The following COL9A2 variants were observed in gnomAD, a reference collection of about 807,000 sequenced individuals.
The protein encoded by COL9A2 is collagen type IX alpha 2 chain, also known as collagen alpha-2(IX) chain.
COL9A2 carries 66 observed loss-of-function variants against 111.6 expected under a neutral mutation model. The ratio of observed to expected loss-of-function variants is 0.59; its 90% CI spans 0.48 to 0.73. COL9A2 has a LOEUF of 0.73. Ranked by LOEUF, COL9A2 falls within the 30% of genes least tolerant of loss-of-function variation. The pLI is 0.00. For missense variants in COL9A2, 881 were observed against 954.1 expected (o/e 0.92, Z 1.01); for synonymous variants, 353 against 364.1 (o/e 0.97, Z 0.35).
rs2124041760 is a variant in COL9A2 at position 40,302,834 on chromosome 1, A to AGGGG, written c.1604-26_1604-25insCCCC. Reference sequence around the variant, plus strand: ...TCTGGAGGGAGGGAGGGAGGGAGGGAGAGGGAAGTCTATGAGATGGGTGTC... The same window carrying AGGGG: ...TCTGGAGGGAGGGAGGGAGGGAGGGAGGGGGAGGGAAGTCTATGAGATGGGTGTC... On this transcript the variant is annotated intron_variant, in intron 29 of 31. Transcript: ENST00000372748. The surrounding 1 kb of genome is among the most constrained non-coding windows in gnomAD (Gnocchi z 4.5). 1 of 1,523,204 alleles carries AGGGG rather than the reference A, an allele frequency of 6.6e-7. No homozygotes were observed. The highest frequency in any genetic ancestry group is 8.9e-7 in the Non-Finnish European group (1 of 1,129,696). The allele number at this position is 1,523,204 out of a possible 1,614,324, so 94.4% of individuals were successfully genotyped here.
chr1:40,309,864 G>A (rs1190685783), intron 16 of COL9A2, 74 bp downstream of exon 16: 2 of 1,466,654 alleles, frequency 1.4e-6, no homozygotes, highest in Non-Finnish European at 1.9e-6. Context: ...CACACACACA[G>A]CCTTAGGGGG....
In COL9A2 at chr1:40,317,178, G is replaced by C; in HGVS notation, c.20C>G (p.Ser7Cys). Residue 7 changes from serine to cysteine, a missense_variant, in exon 1 of 32, where the codon TCC becomes TGC. Ser to Cys is a moderately radical substitution (Grantham distance 112, BLOSUM62 -1). Transcript: ENST00000372748. The surrounding 1 kb of genome is among the most constrained non-coding windows in gnomAD (Gnocchi z 4.3). The part of the protein sequence containing the change: MAAATA[S>C]PRSLLVLLQV... ...GAGGAGAACAAGGAGGCTGCGGGGG[G>C]AGGCCGTAGCGGCGGCCATGGCTGG... 3 of 1,588,408 alleles carry C rather than the reference G, an allele frequency of 1.9e-6. No homozygotes were observed. The highest frequency in any genetic ancestry group is 2.6e-6 in the Non-Finnish European group (3 of 1,167,622).
At position 40,303,310 on chromosome 1, in the gene COL9A2, G is replaced by T; in HGVS notation, c.1549-125C>A. On this transcript the variant is annotated intron_variant, in intron 28 of 31. Transcript: ENST00000372748. The surrounding 1 kb of genome is among the most constrained non-coding windows in gnomAD (Gnocchi z 4.6). ...GTGTTGAGTCATTAATTCCCAAGCTGAGGAACAGATTGTACCTGGGCAGGG... is the reference window on the plus strand; with the variant it reads ...GTGTTGAGTCATTAATTCCCAAGCTTAGGAACAGATTGTACCTGGGCAGGG... 8.4e-7 allele frequency: 1 copy of T among 1,183,794 alleles called. No homozygotes were observed. The highest frequency in any genetic ancestry group is 1.2e-6 in the Non-Finnish European group (1 of 820,140). The allele number at this position is 1,183,794 out of a possible 1,614,324, so 73.3% of individuals were successfully genotyped here.
intron 2 of COL9A2, chr1:40,315,360 A>C: frequency 7.3e-7 from 1 of 1,371,854 alleles, no homozygotes; most frequent in Non-Finnish European, 9.4e-7. Flanking sequence ...GGCGGACTGA[A>C]CAGCAGCTCC....
In COL9A2 at chr1:40,311,334, G is replaced by A. The variant is rs769371372; in HGVS notation, c.520-48C>T. 1.8e-5 allele frequency: 28 copies of A among 1,599,394 alleles called. No individual in the cohort carries two copies. In the East Asian group the frequency reaches 2.9e-4, roughly 17 times the overall value. On this transcript the variant is annotated intron_variant, in intron 10 of 31. Transcript: ENST00000372748. This position sits in a 1 kb window ranked among gnomAD's most constrained non-coding sequence, Gnocchi z 5.1. Reference sequence around the variant, plus strand: ...GGTCCTGTGATCAGCTGGGCAGTGCGCCCCCATCTCTCCAAGCCCCGTGCT... The same window carrying A: ...GGTCCTGTGATCAGCTGGGCAGTGCACCCCCATCTCTCCAAGCCCCGTGCT...
At chr1:40,309,024 T>C (rs1406094681) in intron 16 of COL9A2, among the ~76,000 whole-genome samples, 3 of 152,156 alleles carry the variant, frequency 2.0e-5, no homozygotes, top group Admixed American at 6.5e-5. Context: ...GGCAGGTGGA[T>C]CACCTGAGGT....
chr1:40,312,136 C>G lies in COL9A2; in HGVS notation c.364-24G>C. On this transcript the variant is annotated intron_variant, in intron 7 of 31. Transcript: ENST00000372748. This position sits in a 1 kb window ranked among gnomAD's most constrained non-coding sequence, Gnocchi z 6.0. ...CCCTGGGGAGCAGAGAGTTGATGGT[C>G]AGGATGCCTCAGAGGGTCAGATACC... 2 of 1,589,058 alleles carry G rather than the reference C, an allele frequency of 1.3e-6. No individual in the cohort carries two copies. The highest frequency in any genetic ancestry group is 1.7e-6 in the Non-Finnish European group (2 of 1,167,514).
In COL9A2 at chr1:40,317,064, A is replaced by C; in HGVS notation, c.75+59T>G. 1 of 1,493,370 alleles carries C rather than the reference A, an allele frequency of 6.7e-7. No individual in the cohort carries two copies. Among genetic ancestry groups the C allele is most frequent in the Non-Finnish European group, 9.1e-7 (1 of 1,094,086 alleles). 92.5% of individuals were successfully genotyped at this position (1,493,370 alleles called of 1,614,324 possible). A position where few individuals can be genotyped will look rare whatever the true frequency, so the allele number is the denominator to read the frequency against. On this transcript the variant is annotated intron_variant, in intron 1 of 31. Transcript: ENST00000372748. The surrounding 1 kb of genome is among the most constrained non-coding windows in gnomAD (Gnocchi z 4.3). ...CGCGGGACACAGGCAGAGCTCCTCC[A>C]TCCCGGACTCCAGACCCCGCACCCT...
Position 40,317,102 on chromosome 1 carries a change from C to T in COL9A2, c.75+21G>A. Reference sequence around the variant, plus strand: ...GACCCCGCACCCTGGACCCTGGCAGCGGAGGGGCTGCGAAACTTACAATCT... The same window carrying T: ...GACCCCGCACCCTGGACCCTGGCAGTGGAGGGGCTGCGAAACTTACAATCT... On this transcript the variant is annotated intron_variant, in intron 1 of 31. Coordinates refer to ENST00000372748, the MANE Select transcript of COL9A2 (RefSeq NM_001852.4). The surrounding 1 kb of genome is among the most constrained non-coding windows in gnomAD (Gnocchi z 4.3). 2 of 1,556,632 alleles carry T rather than the reference C, an allele frequency of 1.3e-6. No homozygotes were observed. The highest frequency in any genetic ancestry group is 1.7e-6 in the Non-Finnish European group (2 of 1,149,976).
rs1340613358 is a variant in COL9A2 at position 40,301,882 on chromosome 1, A to C, written c.1800T>G (p.Arg600=). Residue 600 remains arginine, a synonymous_variant, in exon 31 of 32, where the codon CGT becomes CGG. Coordinates refer to ENST00000372748, the MANE Select transcript of COL9A2 (RefSeq NM_001852.4). Reference sequence around the variant, plus strand: ...CTTCTCCTGGATCACCCTTCTCTCCACGTTTTCCTGTAGACAAAAAAGGAA... The same window carrying C: ...CTTCTCCTGGATCACCCTTCTCTCCCCGTTTTCCTGTAGACAAAAAAGGAA... ...QIGNTGPKGK[R]GEKGDPGEVG... The C allele has an allele frequency of 6.2e-7, 1 of 1,613,934 alleles. No individual in the cohort carries two copies. The highest frequency in any genetic ancestry group is 1.3e-5 in the African/African-American group (1 of 75,046).
In COL9A2 at chr1:40,314,508, C is replaced by T. The variant is rs1192726923; in HGVS notation, c.151-121G>A. 2 of 1,206,356 alleles carry T rather than the reference C, an allele frequency of 1.7e-6. No individual in the cohort carries two copies. The highest frequency in any genetic ancestry group is 3.0e-5 in the African/African-American group (2 of 66,322). 74.7% of individuals were successfully genotyped at this position (1,206,356 alleles called of 1,614,324 possible). On this transcript the variant is annotated intron_variant, in intron 2 of 31. Coordinates refer to ENST00000372748, the MANE Select transcript of COL9A2 (RefSeq NM_001852.4). This position sits in a 1 kb window ranked among gnomAD's most constrained non-coding sequence, Gnocchi z 4.1. ...TCACTCTCCTCTCTTCTGTCCAGGT[C>T]CCCTAAGCCTTGCAATCTTTGGGAA...
chr1:40,303,990 G>A lies in COL9A2; in HGVS notation c.1324-18C>T. 1 of 1,568,164 alleles carries A rather than the reference G, an allele frequency of 6.4e-7. No individual in the cohort carries two copies. The highest frequency in any genetic ancestry group is 8.6e-7 in the Non-Finnish European group (1 of 1,156,166). On this transcript the variant is annotated intron_variant, in intron 25 of 31. Coordinates refer to ENST00000372748, the MANE Select transcript of COL9A2 (RefSeq NM_001852.4). This position sits in a 1 kb window ranked among gnomAD's most constrained non-coding sequence, Gnocchi z 4.6. ...GGGTCACCCTGCAGAGAGAACCACG[G>A]GTCAGACGCGCGGTGGCGGCGGGGA... is the stretch of plus-strand genomic sequence containing the variant.
chr1:40,309,775 TACAC>T (rs575148585), intron 16 of COL9A2, among the ~76,000 whole-genome samples, 159 bp downstream of exon 16: 3 of 151,600 alleles, frequency 2.0e-5, no homozygotes, highest in East Asian at 1.9e-4. Flanking sequence ...TACACTCATA[TACAC>T]ACAGTCTACA....
chr1:40,305,343 C>A (rs1447359428), intron 21 of COL9A2, among the ~76,000 whole-genome samples: 1 of 152,220 alleles, frequency 6.6e-6, no homozygotes. Context: ...GCGTGAGCCA[C>A]CGCGCCCGGC....
chr1:40,313,276 C>A lies in COL9A2; in HGVS notation c.250-492G>T, dbSNP rs1478393298. On this transcript the variant is annotated intron_variant, in intron 4 of 31. Coordinates refer to ENST00000372748, the MANE Select transcript of COL9A2 (RefSeq NM_001852.4). ...CCCCGCTTCCTGGGTTCAAATGATT[C>A]TTGTGCCCCAGCCTCCCAAGTAGCT... is the stretch of plus-strand genomic sequence containing the variant. 1.3e-5 allele frequency among the ~76,000 whole-genome samples: 2 copies of A among 152,054 alleles called. 1 individual carries two copies. Among genetic ancestry groups the A allele is most frequent in the African/African-American group, 4.8e-5 (2 of 41,490 alleles).
Position 40,316,672 on chromosome 1 carries a change from C to G in COL9A2, c.75+451G>C, listed in dbSNP as rs188678862. 0.025 allele frequency: 10,723 copies of G among 436,734 alleles called. 224 individuals carry two copies. Among genetic ancestry groups the G allele is most frequent in the South Asian group, 0.043 (2,732 of 62,930 alleles). The allele number at this position is 436,734 out of a possible 1,614,324, so 27.1% of individuals were successfully genotyped here. On this transcript the variant is annotated intron_variant, in intron 1 of 31. Transcript: ENST00000372748. The surrounding 1 kb of genome is among the most constrained non-coding windows in gnomAD (Gnocchi z 5.5). ...CTACCCGCGCGCCCGCAGCCCCCGG[C>G]GGCCCTCGGAAGGGAGACGTGGGTA...
rs886761883 is a variant in COL9A2 at position 40,303,464 on chromosome 1, G to A, written c.1548+66C>T. 66 of 1,597,482 alleles carry A rather than the reference G, an allele frequency of 4.1e-5. No individual in the cohort carries two copies. The highest frequency in any genetic ancestry group is 5.4e-5 in the Non-Finnish European group (63 of 1,170,268). ...TCTCTGGGAATCCCTAGCCTTTGGC[G>A]GGTAAGCCGCACCCCAGAACAGATC... is the stretch of plus-strand genomic sequence containing the variant. On this transcript the variant is annotated intron_variant, in intron 28 of 31. Transcript: ENST00000372748. The surrounding 1 kb of genome is among the most constrained non-coding windows in gnomAD (Gnocchi z 4.6).
chr1:40,316,513 C>G lies in COL9A2; in HGVS notation c.75+610G>C, dbSNP rs1159813960. On this transcript the variant is annotated intron_variant, in intron 1 of 31. Transcript: ENST00000372748. The surrounding 1 kb of genome is among the most constrained non-coding windows in gnomAD (Gnocchi z 5.5). ...AGATCAGAGATCTTAAAAGGCGGCCCTTTTAAGAGGCCAGCTCGGACCCAG... is the reference window on the plus strand; with the variant it reads ...AGATCAGAGATCTTAAAAGGCGGCCGTTTTAAGAGGCCAGCTCGGACCCAG... The G allele has an allele frequency of 1.4e-5, 6 of 437,402 alleles. No homozygotes were observed. Among genetic ancestry groups the G allele is most frequent in the Non-Finnish European group, 2.7e-5 (6 of 219,122 alleles). 27.1% of individuals were successfully genotyped at this position (437,402 alleles called of 1,614,324 possible).
At position 40,301,811 on chromosome 1, in the gene COL9A2, C is replaced by T; in HGVS notation, c.1870+1G>A. Reference sequence around the variant, plus strand: ...GCAGCTGGGCAGGGCCAATGGCTTACCTGGGATCCCTGGGGGCCCAGGCAT... The same window carrying T: ...GCAGCTGGGCAGGGCCAATGGCTTATCTGGGATCCCTGGGGGCCCAGGCAT... On this transcript the variant is annotated splice_donor_variant, in intron 31 of 31. Coordinates refer to ENST00000372748, the MANE Select transcript of COL9A2 (RefSeq NM_001852.4). LOFTEE classifies it high-confidence loss of function. 1 of 1,613,992 alleles carries T rather than the reference C, an allele frequency of 6.2e-7. No homozygotes were observed.
Sources: allele counts gnomAD v4.1 joint callset (sites outside exome capture counted in the v4.1 genomes callset), GRCh38; gene constraint gnomAD v4.1.1; non-coding constraint Gnocchi (gnomAD v3.1); transcripts MANE v1.5; gene names NCBI Gene and HGNC (gene_info 2026-07-23, HGNC 2026-07-21).